The following MARCHF10 variants were observed in gnomAD, a reference collection of about 807,000 sequenced individuals.
MARCHF10 encodes membrane associated ring-CH-type finger 10.
A neutral mutation model predicts 76.2 loss-of-function variants in MARCHF10; 64 were observed. That is an observed-to-expected ratio of 0.84 (90% CI 0.69 to 1.03). The LOEUF is 1.03. Among genes scored for constraint, MARCHF10 ranks in the 50% least tolerant of loss-of-function variants. The pLI, the probability that MARCHF10 is intolerant of heterozygous loss-of-function variation, is 0.00. For missense variants in MARCHF10, 875 were observed against 958.0 expected (o/e 0.91, Z 1.14); for synonymous variants, 340 against 357.5 (o/e 0.95, Z 0.55).
chr17:62,755,309 C>T (rs1210639210), intron 4 of MARCHF10, among the ~76,000 whole-genome samples: 1 of 152,076 alleles, frequency 6.6e-6, no homozygotes, highest in Non-Finnish European at 1.5e-5. Flanking sequence ...CATGTCTGGC[C>T]CTAGGGTAGG....
intron 2 of MARCHF10, among the ~76,000 whole-genome samples, chr17:62,795,356 C>CAAAAAAAAAAAAAAAA (rs61564298): frequency 1.3e-4 from 7 of 52,938 alleles, no homozygotes; most frequent in African/African-American, 4.9e-4. Context: ...ATCATTTGAT[C>CAAAAAAAAAAAAAAAA]AAAAAAAAAA....
At chr17:62,704,358 C>T (rs1466663985) in intron 10 of MARCHF10, among the ~76,000 whole-genome samples, 1 of 152,142 alleles carries the variant, frequency 6.6e-6, no homozygotes, top group East Asian at 1.9e-4. Flanking sequence ...CGGGGGTGGC[C>T]GCGCGAGGGG....
chr17:62,802,633 C>T (rs1168881685), intron 1 of MARCHF10, among the ~76,000 whole-genome samples: 1 of 152,188 alleles, frequency 6.6e-6, no homozygotes, highest in African/African-American at 2.4e-5. Flanking sequence ...TATGGGAGGG[C>T]ATAACCTGGT....
chr17:62,785,113 T>C (rs968292153), intron 3 of MARCHF10, among the ~76,000 whole-genome samples: 2 of 152,186 alleles, frequency 1.3e-5, no homozygotes, highest in African/African-American at 4.8e-5. Context: ...TCATGCTACC[T>C]GACTTCAAAC....
At position 62,796,676 on chromosome 17, in the gene MARCHF10, T is replaced by C. The variant is rs376750779; in HGVS notation, c.90+4970A>G. Among the ~76,000 whole-genome samples the C allele has an allele frequency of 5.3e-5, 8 of 152,260 alleles. No individual in the cohort carries two copies. In the East Asian group the frequency reaches 1.4e-3, roughly 26 times the overall value. On this transcript the variant is annotated intron_variant, in intron 2 of 10. Coordinates refer to ENST00000311269, the MANE Select transcript of MARCHF10 (RefSeq NM_152598.4). The stretch of plus-strand genomic sequence containing the variant: ...TGCCCTTAAGAAGTCGTGGTCCAGG[T>C]TGAGAGGATGTCACACAAAAGACAA...
intron 4 of MARCHF10, among the ~76,000 whole-genome samples, chr17:62,755,426 C>T (rs551183451): frequency 3.3e-5 from 5 of 152,304 alleles, no homozygotes; most frequent in Non-Finnish European, 5.9e-5. Context: ...CAGGGTGGGG[C>T]TGGGAGAGGT....
chr17:62,731,727 C>T (rs1261119839), intron 6 of MARCHF10, among the ~76,000 whole-genome samples: 2 of 152,124 alleles, frequency 1.3e-5, no homozygotes, highest in Non-Finnish European at 2.9e-5. Flanking sequence ...ACTCTGCATT[C>T]CTTTCATCAG....
At chr17:62,710,138 G>A (rs1310904429) in intron 9 of MARCHF10, among the ~76,000 whole-genome samples, 10 of 152,148 alleles carry the variant, frequency 6.6e-5, no homozygotes, top group Non-Finnish European at 1.5e-4. Flanking sequence ...TGTCATGTTT[G>A]CTTTGCAAGC....
At chr17:62,775,696 T>C (rs542925061) in intron 3 of MARCHF10, among the ~76,000 whole-genome samples, 1 of 151,736 alleles carries the variant, frequency 6.6e-6, no homozygotes, top group Admixed American at 6.6e-5. Context: ...AATAAAAGAG[T>C]TTTAGGATGA....
chr17:62,788,567 G>A lies in MARCHF10; in HGVS notation c.123C>T (p.Asp41=), dbSNP rs571251820. The A allele has an allele frequency of 3.5e-5, 57 of 1,614,092 alleles. No individual in the cohort carries two copies. The South Asian group carries it at 5.8e-4, about 16-fold the overall frequency. ...ACTGATCGCGTTTCTTCTCATTTGGGTCTCTTCTATATTCCTGTCGTCTCA... is the reference window on the plus strand; with the variant it reads ...ACTGATCGCGTTTCTTCTCATTTGGATCTCTTCTATATTCCTGTCGTCTCA... ...ACLRRQEYRR[D]PNEKKRDQFW... The change falls in exon 3 of 11, where the codon GAC becomes GAT. Residue 41 remains aspartate (D), a synonymous_variant. Coordinates refer to ENST00000311269, the MANE Select transcript of MARCHF10 (RefSeq NM_152598.4).
At chr17:62,743,457 A>G (rs1286852066) in intron 5 of MARCHF10, among the ~76,000 whole-genome samples, 2 of 152,152 alleles carry the variant, frequency 1.3e-5, no homozygotes, top group Non-Finnish European at 2.9e-5. Flanking sequence ...AGACGGGCCA[A>G]CATGGTGAAA....
At chr17:62,747,345 A>C (rs1031918918) in intron 4 of MARCHF10, among the ~76,000 whole-genome samples, 2 of 152,242 alleles carry the variant, frequency 1.3e-5, no homozygotes, top group African/African-American at 2.4e-5. Flanking sequence ...TCTTCAAAGC[A>C]TCAGATCTCT....
At chr17:62,751,618 T>C (rs1386844957) in intron 4 of MARCHF10, among the ~76,000 whole-genome samples, 2 of 152,182 alleles carry the variant, frequency 1.3e-5, no homozygotes, top group Non-Finnish European at 2.9e-5. Flanking sequence ...AATTTTTATT[T>C]TTATGAAGAA....
intron 3 of MARCHF10, among the ~76,000 whole-genome samples, chr17:62,766,189 C>T (rs1235155552): frequency 1.3e-5 from 2 of 151,824 alleles, no homozygotes; most frequent in East Asian, 3.9e-4. Context: ...GAGCAAGACC[C>T]TGTCTCAAAA....
chr17:62,719,911 A>G (rs534767409), intron 8 of MARCHF10, among the ~76,000 whole-genome samples: 26 of 151,808 alleles, frequency 1.7e-4, no homozygotes, highest in South Asian at 8.3e-4. Context: ...GGCAGTTTCT[A>G]TTGGGATATG....
chr17:62,740,086 G>A (rs1436376894), intron 5 of MARCHF10, among the ~76,000 whole-genome samples: 4 of 103,736 alleles, frequency 3.9e-5, no homozygotes, highest in Non-Finnish European at 9.1e-5. Context: ...GTGTGTGCGT[G>A]TGTGTGTGTG....
intron 3 of MARCHF10, among the ~76,000 whole-genome samples, chr17:62,774,218 T>C (rs978430303): frequency 1.3e-5 from 2 of 152,058 alleles, no homozygotes; most frequent in Non-Finnish European, 2.9e-5. Flanking sequence ...ACCTGGGATG[T>C]GCTATTGGGG....
chr17:62,770,521 G>A (rs2092422582), intron 3 of MARCHF10, among the ~76,000 whole-genome samples: 1 of 150,838 alleles, frequency 6.6e-6, no homozygotes, highest in Admixed American at 6.6e-5. Flanking sequence ...CCACAGCCTT[G>A]CCAGCATCTA....
chr17:62,721,227 T>C (rs2090470722), intron 8 of MARCHF10, among the ~76,000 whole-genome samples: 1 of 152,172 alleles, frequency 6.6e-6, no homozygotes. Flanking sequence ...TAAGAAGGGT[T>C]GTTGATTTTG....
Sources: gnomAD v4.1 joint callset for allele counts (sites outside exome capture counted in the v4.1 genomes callset) on GRCh38, gnomAD v4.1.1 for gene constraint, MANE v1.5 for transcripts, NCBI Gene and HGNC (gene_info 2026-07-23, HGNC 2026-07-21) for gene names.